The following RAB38 variants were observed in gnomAD, a reference collection of about 807,000 sequenced individuals.
The protein encoded by RAB38 is RAB38, member RAS oncogene family.
RAB38 carries 15 observed loss-of-function variants against 18.4 expected under a neutral mutation model. The observed-to-expected ratio is 0.82, with a 90% CI of 0.55 to 1.26. The LOEUF (loss-of-function observed/expected upper bound fraction) is 1.26. Among genes scored for constraint, RAB38 ranks in the 50% most tolerant of loss-of-function variants. RAB38 has a pLI of 0.00. For missense variants in RAB38, 294 were observed against 267.4 expected (o/e 1.10, Z -0.69); for synonymous variants, 101 against 104.4 (o/e 0.97, Z 0.20).
chr11:87,876,754 C>T, the RAB38 span, among the ~76,000 whole-genome samples: 1 of 151,514 alleles, frequency 6.6e-6, no homozygotes, highest in Non-Finnish European at 1.5e-5. Context: ...GACTACTCTT[C>T]AAACAAGACT....
chr11:88,102,027 A>G, the RAB38 span, among the ~76,000 whole-genome samples: 2 of 152,014 alleles, frequency 1.3e-5, no homozygotes, highest in Non-Finnish European at 2.9e-5. Flanking sequence ...TGGTACGCAC[A>G]AGTAAAGCTC....
At chr11:88,127,516 T>C (rs1942713801) in intron 2 of RAB38, among the ~76,000 whole-genome samples, 1 of 152,062 alleles carries the variant, frequency 6.6e-6, no homozygotes, top group Non-Finnish European at 1.5e-5. Flanking sequence ...TGGTTAAGAG[T>C]AGAGGGGTTT....
At chr11:87,842,105 A>T in the RAB38 span, among the ~76,000 whole-genome samples, 2 of 152,232 alleles carry the variant, frequency 1.3e-5, no homozygotes, top group African/African-American at 4.8e-5. Flanking sequence ...TCAAAGTAGA[A>T]TTTGAGAAGT....
the RAB38 span, among the ~76,000 whole-genome samples, chr11:87,877,590 T>C: frequency 6.6e-6 from 1 of 151,544 alleles, no homozygotes; most frequent in Admixed American, 6.6e-5. Flanking sequence ...TACAAAATTA[T>C]TCATATTCAA....
the RAB38 span, among the ~76,000 whole-genome samples, chr11:88,027,615 G>A: frequency 2.6e-5 from 4 of 152,212 alleles, no homozygotes; most frequent in East Asian, 7.7e-4. Flanking sequence ...GAGTCTCGCT[G>A]ATTGCTAGCA....
At chr11:87,894,707 A>G in the RAB38 span, among the ~76,000 whole-genome samples, 1 of 150,590 alleles carries the variant, frequency 6.6e-6, no homozygotes, top group Non-Finnish European at 1.5e-5. Context: ...TGCATTACGT[A>G]TGAAATAATA....
the RAB38 span, among the ~76,000 whole-genome samples, chr11:88,052,942 AT>A: frequency 3.4e-5 from 4 of 118,122 alleles, no homozygotes; most frequent in South Asian, 2.4e-4. Context: ...ATATATATAT[AT>A]AAATTATATA....
At chr11:87,926,511 T>TG in the RAB38 span, among the ~76,000 whole-genome samples, 47 of 131,984 alleles carry the variant, frequency 3.6e-4, no homozygotes, top group East Asian at 8.7e-3. Context: ...AATGGTGGTT[T>TG]TTTTGTTTGT....
the RAB38 span, among the ~76,000 whole-genome samples, chr11:87,804,907 T>G: frequency 6.6e-6 from 1 of 152,252 alleles, no homozygotes; most frequent in Non-Finnish European, 1.5e-5. Context: ...AGTGTTATCA[T>G]TTTTAGCTTA....
chr11:88,039,440 A>G, the RAB38 span, among the ~76,000 whole-genome samples: 2 of 152,150 alleles, frequency 1.3e-5, no homozygotes, highest in Admixed American at 6.5e-5. Context: ...CCTTAGGCCA[A>G]TGTAAAGCAG....
At chr11:87,806,093 A>T in the RAB38 span, among the ~76,000 whole-genome samples, 1 of 152,230 alleles carries the variant, frequency 6.6e-6, no homozygotes, top group African/African-American at 2.4e-5. Flanking sequence ...CATCAGAGCA[A>T]GTAAACAGAA....
the RAB38 span, among the ~76,000 whole-genome samples, chr11:87,889,527 AATG>A: frequency 6.6e-6 from 1 of 152,026 alleles, no homozygotes; most frequent in Admixed American, 6.6e-5. Flanking sequence ...CAGTAATAAT[AATG>A]ATAGTTATAA....
At chr11:87,956,397 T>C in the RAB38 span, among the ~76,000 whole-genome samples, 1 of 152,178 alleles carries the variant, frequency 6.6e-6, no homozygotes, top group Non-Finnish European at 1.5e-5. Context: ...ACCACTCACA[T>C]GCAAGCTTAA....
At chr11:87,942,444 C>T in the RAB38 span, among the ~76,000 whole-genome samples, 2 of 152,092 alleles carry the variant, frequency 1.3e-5, no homozygotes, top group Admixed American at 6.6e-5. Context: ...AAATAAAAGG[C>T]TTTAAGAATT....
chr11:87,948,174 A>G, the RAB38 span, among the ~76,000 whole-genome samples: 1 of 152,160 alleles, frequency 6.6e-6, no homozygotes, highest in Non-Finnish European at 1.5e-5. Flanking sequence ...ATGGGAGTTC[A>G]TTCATGATTT....
At chr11:87,940,681 T>C in the RAB38 span, among the ~76,000 whole-genome samples, 1 of 152,100 alleles carries the variant, frequency 6.6e-6, no homozygotes, top group Non-Finnish European at 1.5e-5. Context: ...TCTCACTCTG[T>C]TGCCCAGACT....
chr11:87,839,476 G>A, the RAB38 span, among the ~76,000 whole-genome samples: 2 of 152,152 alleles, frequency 1.3e-5, no homozygotes, highest in Admixed American at 6.5e-5. Context: ...TGACTTTTCA[G>A]TTGTTCTTTT....
the RAB38 span, among the ~76,000 whole-genome samples, chr11:87,863,290 G>C: frequency 2.6e-5 from 4 of 151,702 alleles, no homozygotes; most frequent in African/African-American, 7.3e-5. Context: ...TTTTATAAGG[G>C]GGAGAGAAGG....
the RAB38 span, among the ~76,000 whole-genome samples, chr11:87,877,756 T>G: frequency 6.6e-6 from 1 of 151,662 alleles, no homozygotes. Flanking sequence ...TGGTCTCCAC[T>G]TGGTTACTAA....
Sources: gnomAD v4.1 joint callset for allele counts (sites outside exome capture counted in the v4.1 genomes callset) on GRCh38, gnomAD v4.1.1 for gene constraint, MANE v1.5 for transcripts, NCBI Gene and HGNC (gene_info 2026-07-23, HGNC 2026-07-21) for gene names.